NFASC: variants seen among roughly 807,000 people sequenced by gnomAD.
NFASC encodes the protein neurofascin, also known as neurofascin homolog.
In NFASC, 43 loss-of-function variants were observed where a neutral mutation model predicts 147.5. The observed-to-expected ratio is 0.29, with a 90% CI of 0.23 to 0.38. NFASC has a LOEUF of 0.38. Ranked by LOEUF, NFASC falls within the 10% of genes least tolerant of loss-of-function variation. The pLI is 1.00. For missense variants in NFASC, 1,320 were observed against 1,689.0 expected (o/e 0.78, Z 3.83); for synonymous variants, 622 against 665.5 (o/e 0.93, Z 1.01).
At chr1:204,830,665 GAGAGA>G (rs1484353791) in intron 1 of NFASC, among the ~76,000 whole-genome samples, 4 of 146,162 alleles carry the variant, frequency 2.7e-5, no homozygotes, top group Non-Finnish European at 4.4e-5. Flanking sequence ...TATAGAGAGA[GAGAGA>G]GAGAGAGAAT....
At chr1:204,952,992 C>G (rs1392852994) in intron 5 of NFASC, among the ~76,000 whole-genome samples, 1 of 152,184 alleles carries the variant, frequency 6.6e-6, no homozygotes, top group Non-Finnish European at 1.5e-5. Flanking sequence ...TCTCGCTGGC[C>G]GTGGGAGTCA....
chr1:204,973,608 C>T (rs963842606), intron 12 of NFASC, among the ~76,000 whole-genome samples, 189 bp downstream of exon 12: 7 of 152,238 alleles, frequency 4.6e-5, no homozygotes, highest in African/African-American at 1.7e-4. Context: ...AGGGTCAAAG[C>T]TGGGAGGAAG....
In NFASC at chr1:204,979,903, A is replaced by C. The variant is rs1009029826; in HGVS notation, c.2176+344A>C. Among the ~76,000 whole-genome samples, 1 of 152,212 alleles carries C rather than the reference A, an allele frequency of 6.6e-6. No individual in the cohort carries two copies. Among genetic ancestry groups the C allele is most frequent in the African/African-American group, 2.4e-5 (1 of 41,436 alleles). On this transcript the variant is annotated intron_variant, in intron 19 of 29. Transcript: ENST00000339876. This position sits in a 1 kb window ranked among gnomAD's most constrained non-coding sequence, Gnocchi z 6.0. ...CATAATTCAGTGTGAGAAATATATA[A>C]ATTGGTATTACATCAGATTTCTTTT...
chr1:204,981,693 G>T, intron 20 of NFASC, 105 bp from the exon 21 acceptor site: 1 of 686,346 alleles, frequency 1.5e-6, no homozygotes, highest in Non-Finnish European at 2.4e-6. Flanking sequence ...GGCCAGTGTT[G>T]GGCACATCTG....
In NFASC at chr1:204,979,594, A is replaced by T. The variant is rs1387877393; in HGVS notation, c.2176+35A>T. 1.3e-6 allele frequency: 2 copies of T among 1,591,644 alleles called. No individual in the cohort carries two copies. Among genetic ancestry groups the T allele is most frequent in the South Asian group, 2.2e-5 (2 of 90,628 alleles). ...CGAGGGCTGCCAGAGAAGGCTCCGG[A>T]ACCCCGCACCCCAAACTCACACTGA... On this transcript the variant is annotated intron_variant, in intron 19 of 29. Transcript: ENST00000339876. This position sits in a 1 kb window ranked among gnomAD's most constrained non-coding sequence, Gnocchi z 6.0.
At chr1:204,974,845 T>G (rs751632048) in intron 14 of NFASC, 22 bp downstream of exon 14, 1 of 1,612,622 alleles carries the variant, frequency 6.2e-7, no homozygotes, top group Non-Finnish European at 8.5e-7. Flanking sequence ...GGTTCGCCAG[T>G]GGGAGTTTGG....
At chr1:204,966,993 A>G (rs1468506562) in intron 8 of NFASC, among the ~76,000 whole-genome samples, 1 of 152,128 alleles carries the variant, frequency 6.6e-6, no homozygotes, top group Non-Finnish European at 1.5e-5. Context: ...AGCACCAGTT[A>G]CATCTGGATA....
At position 204,975,122 on chromosome 1, in the gene NFASC, C is replaced by G. The variant is rs2095366884; in HGVS notation, c.1559-149C>G. 1.2e-6 allele frequency: 1 copy of G among 860,540 alleles called. No homozygotes were observed. Among genetic ancestry groups the G allele is most frequent in the Non-Finnish European group, 1.8e-6 (1 of 565,516 alleles). 53.3% of individuals were successfully genotyped at this position (860,540 alleles called of 1,614,324 possible). The stretch of plus-strand genomic sequence containing the variant: ...TGCTTTGGGGATTACCCACCCAGAA[C>G]TCTGCTCCGTTCATACCATAGCATA... On this transcript the variant is annotated intron_variant, in intron 14 of 29. Transcript: ENST00000339876. This position sits in a 1 kb window ranked among gnomAD's most constrained non-coding sequence, Gnocchi z 4.0.
At chr1:204,950,862 G>A (rs927115502) in intron 4 of NFASC, among the ~76,000 whole-genome samples, 14 of 152,142 alleles carry the variant, frequency 9.2e-5, no homozygotes, top group African/African-American at 3.1e-4. Context: ...GGACCCCAGG[G>A]TAGCACACTG....
At position 204,954,261 on chromosome 1, in the gene NFASC, G is replaced by C; in HGVS notation, c.289G>C (p.Gly97Arg). The C allele has an allele frequency of 6.2e-7, 1 of 1,614,232 alleles. No individual in the cohort carries two copies. The highest frequency in any genetic ancestry group is 8.5e-7 in the Non-Finnish European group (1 of 1,180,036). Reference protein sequence around the residue: ...DPRVSMRRRSGTLVIDFRSGG... With the variant: ...DPRVSMRRRSRTLVIDFRSGG... ...CCGGGTGTCCATGAGGAGGAGGTCT[G>C]GGACCCTGGTGATTGACTTCCGCAG... Residue 97 changes from glycine (G) to arginine (R), a missense_variant, in exon 6 of 30, where the codon GGG becomes CGG. Coordinates refer to ENST00000339876, the MANE Select transcript of NFASC (RefSeq NM_001005388.3). This position sits in a 1 kb window ranked among gnomAD's most constrained non-coding sequence, Gnocchi z 5.7.
At chr1:204,831,292 C>T (rs982945894) in intron 1 of NFASC, among the ~76,000 whole-genome samples, 1 of 151,696 alleles carries the variant, frequency 6.6e-6, no homozygotes, top group Non-Finnish European at 1.5e-5. Context: ...GCCAGCTCCC[C>T]AGAGAGCTGG....
intron 23 of NFASC, chr1:204,990,593 A>AAAAG (rs2095708789): frequency 6.6e-6 from 1 of 152,166 alleles, no homozygotes. Context: ...AAAGAAAGAA[A>AAAAG]AAAGAAAGGG....
Position 204,997,304 on chromosome 1 carries a change from A to G in NFASC, c.2917A>G (p.Thr973Ala), listed in dbSNP as rs921065341. The G allele has an allele frequency of 2.5e-6, 4 of 1,588,262 alleles. No individual in the cohort carries two copies. Among genetic ancestry groups the G allele is most frequent in the African/African-American group, 2.7e-5 (2 of 74,188 alleles). ...IPTVAPTTIATTTTVATTTTT... is the reference protein window; with the variant it reads ...IPTVAPTTIAATTTVATTTTT... ...AACTGTCGCACCTACCACCATCGCC[A>G]CCACCACCACCGTCGCCACAACTAC... The change falls in exon 25 of 30, where the codon ACC becomes GCC. Residue 973 changes from threonine (T) to alanine (A), a missense_variant. By Grantham distance (58) the Thr-to-Ala change is moderately conservative. Around this residue, in one of 3 missense-constraint regions of NFASC, gnomAD observed 172 missense variants for 165.8 expected, o/e 1.04. Coordinates refer to ENST00000339876, the MANE Select transcript of NFASC (RefSeq NM_001005388.3).
intron 2 of NFASC, among the ~76,000 whole-genome samples, chr1:204,941,595 C>T (rs1558180148): frequency 6.6e-6 from 1 of 152,178 alleles, no homozygotes; most frequent in African/African-American, 2.4e-5. Flanking sequence ...ATCGCAGGTT[C>T]CCTCAGCACT....
chr1:204,844,585 A>G (rs538433775), intron 1 of NFASC, among the ~76,000 whole-genome samples: 24 of 152,350 alleles, frequency 1.6e-4, no homozygotes, highest in Admixed American at 1.1e-3. Flanking sequence ...CACAGGTACT[A>G]AAGGACAACT....
At chr1:204,983,784 G>A (rs948332340) in intron 21 of NFASC, among the ~76,000 whole-genome samples, 6 of 152,192 alleles carry the variant, frequency 3.9e-5, no homozygotes, top group Non-Finnish European at 8.8e-5. Context: ...CCCAGCACAG[G>A]AGGGGGCAAA....
chr1:205,016,241 A>G lies in NFASC; in HGVS notation c.3492-67A>G. ...CCATCCTCTCTGAGCTGTGTAGGGC[A>G]TGTGCTGGCAGGAGGCCAGCTGCCC... On this transcript the variant is annotated intron_variant, in intron 29 of 29. Transcript: ENST00000339876. The surrounding 1 kb of genome is among the most constrained non-coding windows in gnomAD (Gnocchi z 5.1). 9.4e-7 allele frequency: 1 copy of G among 1,065,874 alleles called. No homozygotes were observed. Among genetic ancestry groups the G allele is most frequent in the South Asian group, 1.3e-5 (1 of 77,160 alleles). 66.0% of individuals were successfully genotyped at this position (1,065,874 alleles called of 1,614,324 possible).
chr1:204,970,177 G>C (rs183605141), intron 10 of NFASC, among the ~76,000 whole-genome samples: 101 of 150,494 alleles, frequency 6.7e-4, no homozygotes, highest in African/African-American at 2.4e-3. Flanking sequence ...TTGCAAAACA[G>C]AGATCCAGAG....
intron 29 of NFASC, among the ~76,000 whole-genome samples, chr1:205,014,961 C>G (rs1422364585): frequency 6.6e-6 from 1 of 152,176 alleles, no homozygotes; most frequent in African/African-American, 2.4e-5. Context: ...CCCCAGAGAG[C>G]TGCCTCCCTC....
Sources: allele counts gnomAD v4.1 joint callset (sites outside exome capture counted in the v4.1 genomes callset), GRCh38; gene constraint gnomAD v4.1.1; regional missense constraint gnomAD v4.1.1; non-coding constraint Gnocchi (gnomAD v3.1); transcripts MANE v1.5; gene names NCBI Gene and HGNC (gene_info 2026-07-23, HGNC 2026-07-21).